PCDH9: variants seen among roughly 807,000 people sequenced by gnomAD.
PCDH9 encodes the protein protocadherin-9.
In PCDH9, 24 loss-of-function variants were observed where a neutral mutation model predicts 70.6. The ratio of observed to expected loss-of-function variants is 0.34; its 90% CI spans 0.25 to 0.48. PCDH9 has a LOEUF of 0.48. Ranked by LOEUF, PCDH9 falls within the 20% of genes least tolerant of loss-of-function variation. The pLI is 0.99. For synonymous variants in PCDH9, 562 were observed against 558.5 expected (o/e 1.01, Z -0.09); for missense variants, 1,281 against 1,503.6 (o/e 0.85, Z 2.45).
chr13:67,178,202 C>G (rs986456675), intron 2 of PCDH9, among the ~76,000 whole-genome samples: 1 of 152,028 alleles, frequency 6.6e-6, no homozygotes, highest in Non-Finnish European at 1.5e-5. Flanking sequence ...CAAGAGAGAT[C>G]TTGCTGAGAT....
intron 2 of PCDH9, among the ~76,000 whole-genome samples, chr13:67,127,375 T>C (rs1014043510): frequency 6.6e-6 from 1 of 152,106 alleles, no homozygotes; most frequent in African/African-American, 2.4e-5. Flanking sequence ...ATTGCAGGGA[T>C]GGGGATCTGC....
At chr13:66,882,715 G>T (rs571160660) in intron 3 of PCDH9, among the ~76,000 whole-genome samples, 72 of 152,208 alleles carry the variant, frequency 4.7e-4, no homozygotes, top group Admixed American at 2.0e-3. Flanking sequence ...TAAATCCAAG[G>T]TATCAGCAAC....
chr13:67,102,188 C>T (rs988859872), intron 2 of PCDH9, among the ~76,000 whole-genome samples: 1 of 152,104 alleles, frequency 6.6e-6, no homozygotes, highest in African/African-American at 2.4e-5. Context: ...TTGCACAGTA[C>T]AATAGTGAAA....
chr13:66,474,154 G>T (rs1308599458), intron 4 of PCDH9, among the ~76,000 whole-genome samples: 4 of 152,100 alleles, frequency 2.6e-5, no homozygotes, highest in Non-Finnish European at 5.9e-5. Context: ...ACTAAATTTA[G>T]TCAGCTCACA....
chr13:66,844,059 G>T (rs560064147), intron 3 of PCDH9, among the ~76,000 whole-genome samples: 1 of 152,132 alleles, frequency 6.6e-6, no homozygotes, highest in South Asian at 2.1e-4. Flanking sequence ...ATGAAAAATG[G>T]GGAGTGAGTA....
At chr13:66,730,866 G>T (rs1428815272) in intron 3 of PCDH9, among the ~76,000 whole-genome samples, 45 of 76,202 alleles carry the variant, frequency 5.9e-4, no homozygotes, top group African/African-American at 2.1e-3. Flanking sequence ...TTGTTTTTTT[G>T]TGTGTGTGTG....
chr13:66,802,795 T>A (rs1594080759), intron 3 of PCDH9, among the ~76,000 whole-genome samples: 1 of 152,246 alleles, frequency 6.6e-6, no homozygotes, highest in Middle Eastern at 3.4e-3. Context: ...TCTCTTTATT[T>A]TATTATTTTC....
chr13:66,481,539 T>A (rs916765073), intron 4 of PCDH9, among the ~76,000 whole-genome samples: 1 of 152,210 alleles, frequency 6.6e-6, no homozygotes, highest in Non-Finnish European at 1.5e-5. Flanking sequence ...AGTGTAAACA[T>A]AACTTTTATA....
At chr13:66,898,790 A>G (rs1178713517) in intron 3 of PCDH9, among the ~76,000 whole-genome samples, 1 of 152,012 alleles carries the variant, frequency 6.6e-6, no homozygotes, top group Admixed American at 6.6e-5. Flanking sequence ...AGATAATGTT[A>G]CCATTTTGCT....
At chr13:66,659,651 A>G (rs998917078) in intron 3 of PCDH9, among the ~76,000 whole-genome samples, 1 of 151,518 alleles carries the variant, frequency 6.6e-6, no homozygotes, top group Non-Finnish European at 1.5e-5. Context: ...ATCCTGCTGC[A>G]TCTTCCCTGA....
At chr13:66,630,141 A>T (rs1267406568) in intron 4 of PCDH9, among the ~76,000 whole-genome samples, 3 of 152,242 alleles carry the variant, frequency 2.0e-5, no homozygotes, top group Non-Finnish European at 2.9e-5. Flanking sequence ...TTAAACAAAC[A>T]AACAAGCAAA....
chr13:66,533,495 T>G (rs1960560008), intron 4 of PCDH9, among the ~76,000 whole-genome samples: 1 of 152,112 alleles, frequency 6.6e-6, no homozygotes, highest in African/African-American at 2.4e-5. Context: ...TAGTTATTTT[T>G]AGAGGAAAAT....
chr13:66,992,387 A>T (rs1225302178), intron 2 of PCDH9, among the ~76,000 whole-genome samples: 1 of 152,142 alleles, frequency 6.6e-6, no homozygotes, highest in Non-Finnish European at 1.5e-5. Flanking sequence ...GGAATGATGC[A>T]AGCTGAAATT....
intron 4 of PCDH9, among the ~76,000 whole-genome samples, chr13:66,421,109 G>C (rs111465330): frequency 6.6e-6 from 1 of 151,566 alleles, no homozygotes; most frequent in Admixed American, 6.6e-5. Flanking sequence ...ATGAAATAAA[G>C]TGTGAAGACA....
chr13:66,322,322 G>A (rs899544847), intron 4 of PCDH9, among the ~76,000 whole-genome samples: 4 of 151,896 alleles, frequency 2.6e-5, no homozygotes, highest in Non-Finnish European at 4.4e-5. Flanking sequence ...GGGATGATCA[G>A]TATTGATTGT....
intron 2 of PCDH9, among the ~76,000 whole-genome samples, chr13:67,156,459 G>A (rs1156869443): frequency 6.6e-6 from 1 of 151,900 alleles, no homozygotes; most frequent in African/African-American, 2.4e-5. Flanking sequence ...GACACACGCC[G>A]GCACTGTCCC....
intron 2 of PCDH9, among the ~76,000 whole-genome samples, chr13:67,173,012 G>C (rs2088339736): frequency 6.6e-6 from 1 of 151,696 alleles, no homozygotes; most frequent in African/African-American, 2.4e-5. Context: ...ACCCCAAACA[G>C]CTAAAGTCTA....
intron 4 of PCDH9, among the ~76,000 whole-genome samples, chr13:66,504,805 A>G (rs1959195444): frequency 6.6e-6 from 1 of 152,210 alleles, no homozygotes; most frequent in Non-Finnish European, 1.5e-5. Context: ...TGAAAGCTGG[A>G]TAAGTAATGC....
At chr13:66,850,552 C>T (rs1033577075) in intron 3 of PCDH9, among the ~76,000 whole-genome samples, 1 of 149,574 alleles carries the variant, frequency 6.7e-6, no homozygotes, top group Non-Finnish European at 1.5e-5. Flanking sequence ...AAATTAGCAA[C>T]ATAATAGGAA....
Sources: allele counts gnomAD v4.1 joint callset (sites outside exome capture counted in the v4.1 genomes callset), GRCh38; gene constraint gnomAD v4.1.1; transcripts MANE v1.5; gene names NCBI Gene and HGNC (gene_info 2026-07-23, HGNC 2026-07-21).